Variants in ERBB4 observed in about 807,000 individuals in gnomAD.
ERBB4 encodes the protein erb-b2 receptor tyrosine kinase 4.
In ERBB4, 42 loss-of-function variants were observed where a neutral mutation model predicts 158.0. The ratio of observed to expected loss-of-function variants is 0.27; its 90% CI spans 0.21 to 0.34. The LOEUF is 0.34. ERBB4 is among the 10% of genes least tolerant of loss of function. The pLI is 1.00. For synonymous variants in ERBB4, 583 were observed against 558.7 expected (o/e 1.04, Z -0.61); for missense variants, 1,333 against 1,624.1 (o/e 0.82, Z 3.08).
intron 1 of ERBB4, among the ~76,000 whole-genome samples, chr2:212,198,733 CTTTTTTTTTTTT>C (rs11448093): frequency 1.1e-4 from 11 of 96,428 alleles, no homozygotes; most frequent in African/African-American, 5.1e-4. Flanking sequence ...TCACCACGCC[CTTTTTTTTTTTT>C]TTTTTTTTTT....
chr2:211,934,098 G>A (rs527454150), intron 3 of ERBB4, among the ~76,000 whole-genome samples: 8 of 151,856 alleles, frequency 5.3e-5, no homozygotes, highest in South Asian at 2.1e-4. Context: ...AAGTAACCCC[G>A]AATATGTTAC....
intron 2 of ERBB4, among the ~76,000 whole-genome samples, chr2:212,047,158 CTT>C (rs1262621604): frequency 1.3e-5 from 2 of 151,984 alleles, no homozygotes; most frequent in Admixed American, 6.6e-5. Flanking sequence ...TAAAAAAAAA[CTT>C]TTAAGTTTTC....
At chr2:211,502,571 T>G (rs1453864273) in intron 20 of ERBB4, among the ~76,000 whole-genome samples, 1 of 152,094 alleles carries the variant, frequency 6.6e-6, no homozygotes, top group Non-Finnish European at 1.5e-5. Context: ...AGCTCATATC[T>G]CCCTCTATAA....
At chr2:211,706,070 CA>C (rs1298439410) in intron 9 of ERBB4, among the ~76,000 whole-genome samples, 1 of 151,940 alleles carries the variant, frequency 6.6e-6, no homozygotes, top group East Asian at 1.9e-4. Context: ...AAGAAATCCA[CA>C]GTAAGTTTTA....
chr2:212,466,373 C>A (rs1688834427), intron 1 of ERBB4, among the ~76,000 whole-genome samples: 1 of 152,254 alleles, frequency 6.6e-6, no homozygotes, highest in East Asian at 1.9e-4. Flanking sequence ...GGCTCTGTGT[C>A]CCCACCCAAA....
At chr2:211,717,283 G>A (rs1039589986) in intron 7 of ERBB4, among the ~76,000 whole-genome samples, 1 of 152,140 alleles carries the variant, frequency 6.6e-6, no homozygotes, top group Non-Finnish European at 1.5e-5. Flanking sequence ...GATGGTACAT[G>A]GTGACATATA....
intron 1 of ERBB4, among the ~76,000 whole-genome samples, chr2:212,283,636 T>A (rs1202932346): frequency 6.6e-6 from 1 of 151,942 alleles, no homozygotes; most frequent in East Asian, 1.9e-4. Context: ...ATGCTGAATT[T>A]GAGGTTAAAA....
At chr2:212,131,246 T>G (rs1465803901) in intron 1 of ERBB4, among the ~76,000 whole-genome samples, 1 of 152,062 alleles carries the variant, frequency 6.6e-6, no homozygotes, top group Non-Finnish European at 1.5e-5. Context: ...GCCTCCTAAC[T>G]AATGTCCAGG....
At chr2:211,918,204 T>G (rs1365649455) in intron 3 of ERBB4, among the ~76,000 whole-genome samples, 1 of 152,204 alleles carries the variant, frequency 6.6e-6, no homozygotes, top group Non-Finnish European at 1.5e-5. Context: ...ATTTAGTAGT[T>G]CCTGTAAAAG....
At chr2:212,228,409 A>T (rs989044617) in intron 1 of ERBB4, among the ~76,000 whole-genome samples, 1 of 152,180 alleles carries the variant, frequency 6.6e-6, no homozygotes, top group Non-Finnish European at 1.5e-5. Context: ...TATATCTTAG[A>T]GTACAATACC....
intron 3 of ERBB4, among the ~76,000 whole-genome samples, chr2:211,914,386 C>T (rs1180867023): frequency 6.6e-6 from 1 of 151,790 alleles, no homozygotes; most frequent in Non-Finnish European, 1.5e-5. Context: ...AAGTTTCAAT[C>T]TATTGATTCT....
In ERBB4 at chr2:212,221,542, T is replaced by C. The variant is rs1044729077; in HGVS notation, c.83-96639A>G. ...AACTTTCCTCCAATAGCTTTATTTA[T>C]GCCAAAGACATAGATAAATATACTG... On this transcript the variant is annotated intron_variant, in intron 1 of 27. Coordinates refer to ENST00000342788, the MANE Select transcript of ERBB4 (RefSeq NM_005235.3). 7.9e-5 allele frequency among the ~76,000 whole-genome samples: 12 copies of C among 151,632 alleles called. No individual in the cohort carries two copies. In the South Asian group the frequency reaches 8.3e-4, roughly 10 times the overall value.
At chr2:211,441,564 T>G (rs577856214) in intron 20 of ERBB4, among the ~76,000 whole-genome samples, 1 of 152,242 alleles carries the variant, frequency 6.6e-6, no homozygotes, top group South Asian at 2.1e-4. Flanking sequence ...GTTTGTTTGT[T>G]TTTCAGGACT....
chr2:212,389,587 C>T (rs2090788397), intron 1 of ERBB4, among the ~76,000 whole-genome samples: 2 of 151,976 alleles, frequency 1.3e-5, no homozygotes, highest in Admixed American at 6.6e-5. Context: ...AAATATGGAA[C>T]ACTGTGTATT....
intron 3 of ERBB4, among the ~76,000 whole-genome samples, chr2:211,863,073 G>A (rs2078106965): frequency 6.6e-6 from 1 of 151,962 alleles, no homozygotes; most frequent in Admixed American, 6.6e-5. Context: ...GCACCAATCA[G>A]CACTCTGTGT....
intron 3 of ERBB4, among the ~76,000 whole-genome samples, chr2:211,931,876 G>A (rs1201912946): frequency 6.6e-6 from 1 of 152,028 alleles, no homozygotes; most frequent in Non-Finnish European, 1.5e-5. Flanking sequence ...CATAAGAAAA[G>A]TGGACACAAG....
At chr2:212,255,114 T>C (rs2084679102) in intron 1 of ERBB4, among the ~76,000 whole-genome samples, 1 of 152,186 alleles carries the variant, frequency 6.6e-6, no homozygotes, top group Non-Finnish European at 1.5e-5. Flanking sequence ...CATTTTATAA[T>C]ACTTTCATCC....
intron 4 of ERBB4, among the ~76,000 whole-genome samples, chr2:211,785,576 G>A (rs1021422214): frequency 1.1e-4 from 17 of 151,970 alleles, no homozygotes; most frequent in Non-Finnish European, 1.8e-4. Flanking sequence ...TCTGTAATTC[G>A]CTTTTGAGTT....
intron 3 of ERBB4, among the ~76,000 whole-genome samples, chr2:211,940,649 G>T (rs1462088694): frequency 2.0e-5 from 3 of 152,052 alleles, no homozygotes; most frequent in African/African-American, 4.8e-5. Flanking sequence ...TCCTGAAGGG[G>T]TCATAAATTA....
Sources: allele counts gnomAD v4.1 joint callset (sites outside exome capture counted in the v4.1 genomes callset), GRCh38; gene constraint gnomAD v4.1.1; transcripts MANE v1.5; gene names NCBI Gene and HGNC (gene_info 2026-07-23, HGNC 2026-07-21).